Variants in ABCC4 observed in about 807,000 individuals in gnomAD.
ABCC4 encodes the protein ATP binding cassette subfamily C member 4 (PEL blood group), also known as ATP-binding cassette sub-family C member 4.
In ABCC4, 102 loss-of-function variants were observed where a neutral mutation model predicts 168.5. That is an observed-to-expected ratio of 0.61 (90% confidence interval 0.52 to 0.71). ABCC4 has a LOEUF of 0.71. ABCC4 is among the 30% of genes least tolerant of loss of function. The pLI, the probability that ABCC4 is intolerant of heterozygous loss-of-function variation, is 0.00. For missense variants in ABCC4, 1,402 were observed against 1,605.8 expected, an observed-to-expected ratio of 0.87 and a Z score of 2.17; for synonymous variants, 617 against 590.7, an observed-to-expected ratio of 1.04 and a Z score of -0.65.
At chr13:95,283,206 A>G (rs896763599) in intron 1 of ABCC4, among the ~76,000 whole-genome samples, 3 of 145,608 alleles carry the variant, frequency 2.1e-5, no homozygotes, top group African/African-American at 7.7e-5. Context: ...ACAGAGCAAG[A>G]CTCCAACTCA....
chr13:95,062,723 T>C lies in ABCC4; in HGVS notation c.3347A>G (p.Lys1116Arg), dbSNP rs2033347503. The C allele has an allele frequency of 6.2e-7, 1 of 1,613,804 alleles. No individual in the cohort carries two copies. Among genetic ancestry groups the C allele is most frequent in the African/African-American group, 1.3e-5 (1 of 74,890 alleles). ...TEIGLHDLRKKMSIIPQEPVL... is the reference protein window; with the variant it reads ...TEIGLHDLRKRMSIIPQEPVL... ...GCATACCTGAGGTATGATTGACATC[T>C]TCTTCCTTAAATCGTGAAGTCCAAT... is the stretch of plus-strand genomic sequence containing the variant. Residue 1116 changes from lysine (K) to arginine (R), a missense_variant, in exon 26 of 31, where the codon AAG becomes AGG. Coordinates refer to ENST00000645237, the MANE Select transcript of ABCC4 (RefSeq NM_005845.5).
intron 1 of ABCC4, among the ~76,000 whole-genome samples, chr13:95,289,509 G>A (rs1386540448): frequency 6.6e-6 from 1 of 152,058 alleles, no homozygotes; most frequent in Non-Finnish European, 1.5e-5. Flanking sequence ...CCTCAACAAG[G>A]GGTTACTATA....
intron 1 of ABCC4, among the ~76,000 whole-genome samples, chr13:95,277,072 C>T (rs4773866): frequency 0.092 from 13,958 of 152,074 alleles, 693 homozygotes; most frequent in South Asian, 0.14. Flanking sequence ...CCACAACTCA[C>T]TTTTTTTTCT....
chr13:95,262,442 T>A (rs1256445236), intron 1 of ABCC4, among the ~76,000 whole-genome samples: 1 of 152,184 alleles, frequency 6.6e-6, no homozygotes, highest in Non-Finnish European at 1.5e-5. Flanking sequence ...GATAGAGAAA[T>A]CAATATACAC....
intron 13 of ABCC4, among the ~76,000 whole-genome samples, chr13:95,171,435 T>C (rs2037471735): frequency 6.6e-6 from 1 of 151,580 alleles, no homozygotes; most frequent in Admixed American, 6.6e-5. Context: ...CACACACCTG[T>C]AGTCCCAGCT....
At chr13:95,191,205 AC>A (rs4148484) in intron 9 of ABCC4, among the ~76,000 whole-genome samples, 7,432 of 152,258 alleles carry the variant, frequency 0.049, 300 homozygotes, top group East Asian at 0.14. Context: ...GATCAAGATA[AC>A]CTTCAAAATG....
At chr13:95,111,217 A>G (rs1169734500) in intron 20 of ABCC4, among the ~76,000 whole-genome samples, 1 of 152,222 alleles carries the variant, frequency 6.6e-6, no homozygotes, top group African/African-American at 2.4e-5. Context: ...GAGCCATTCT[A>G]TGTTCATAAA....
In ABCC4 at chr13:95,109,475, AGATTT is replaced by A. The variant is rs1472519397; in HGVS notation, c.2535+6442_2535+6446del. Among the ~76,000 whole-genome samples the A allele has an allele frequency of 2.6e-5, 4 of 152,138 alleles. No individual in the cohort carries two copies. In the East Asian group the frequency reaches 7.7e-4, roughly 29 times the overall value. ...TCTTTCCAAAAGTTAAAGAGAGATT[AGATTT>A]AAGGACCAGAAAATTTGAATTTTGC... On this transcript the variant is annotated intron_variant, in intron 20 of 30. Transcript: ENST00000645237.
At chr13:95,117,593 T>C (rs1326251705) in intron 19 of ABCC4, among the ~76,000 whole-genome samples, 1 of 152,198 alleles carries the variant, frequency 6.6e-6, no homozygotes, top group African/African-American at 2.4e-5. Context: ...TTGTTTGTCG[T>C]CCTTCTTGTT....
intron 21 of ABCC4, among the ~76,000 whole-genome samples, chr13:95,076,507 GT>G (rs33911549): frequency 0.29 from 39,983 of 138,162 alleles, 5,651 homozygotes; most frequent in Non-Finnish European, 0.33. Context: ...TGTGGTGTAG[GT>G]TTTTTTTTTT....
rs1006804357 is a variant in ABCC4, at chr13:95,082,723, T to C, written c.2686+417A>G. 1.4e-4 allele frequency among the ~76,000 whole-genome samples: 21 copies of C among 152,214 alleles called. 1 individual carries two copies. The highest frequency in any genetic ancestry group is 7.2e-4 in the Admixed American group (11 of 15,276). Reference sequence around the variant, plus strand: ...TCATTTCCTTGTCATTTTTAGTATCTTCGGGGAAAGATACTAAAATACCCT... The same window carrying C: ...TCATTTCCTTGTCATTTTTAGTATCCTCGGGGAAAGATACTAAAATACCCT... On this transcript the variant is annotated intron_variant, in intron 21 of 30. Coordinates refer to ENST00000645237, the MANE Select transcript of ABCC4 (RefSeq NM_005845.5).
chr13:95,066,744 G>T (rs1323758555), intron 25 of ABCC4, among the ~76,000 whole-genome samples: 1 of 152,248 alleles, frequency 6.6e-6, no homozygotes, highest in Admixed American at 6.5e-5. Flanking sequence ...AAGTCTGCCT[G>T]CCTCTTGCCC....
intron 3 of ABCC4, among the ~76,000 whole-genome samples, chr13:95,240,036 T>C (rs2039886035): frequency 6.6e-6 from 1 of 152,010 alleles, no homozygotes; most frequent in African/African-American, 2.4e-5. Context: ...ACCTACAAAG[T>C]ACTCTTGCCA....
At chr13:95,123,704 T>C (rs542144407) in intron 19 of ABCC4, among the ~76,000 whole-genome samples, 17 of 152,264 alleles carry the variant, frequency 1.1e-4, no homozygotes, top group African/African-American at 3.6e-4. Flanking sequence ...GGTTAATAGA[T>C]ACATGTAAGT....
intron 1 of ABCC4, among the ~76,000 whole-genome samples, chr13:95,270,736 T>G (rs937156843): frequency 1.3e-5 from 2 of 152,168 alleles, no homozygotes; most frequent in African/African-American, 4.8e-5. Flanking sequence ...CAAACCACAC[T>G]GAGTAGGGAA....
At chr13:95,158,110 GA>G (rs1189349706) in intron 19 of ABCC4, among the ~76,000 whole-genome samples, 7 of 151,374 alleles carry the variant, frequency 4.6e-5, no homozygotes, top group Admixed American at 2.0e-4. Context: ...CTTCGCTGCT[GA>G]GAAGAAACAC....
Position 95,272,979 on chromosome 13 carries a change from A to C in ABCC4, c.75-25226T>G, listed in dbSNP as rs573829247. Among the ~76,000 whole-genome samples the C allele has an allele frequency of 2.2e-3, 327 of 152,078 alleles. 2 individuals carry two copies. The Middle Eastern group carries it at 0.031, about 14-fold the overall frequency. ...CACAAAATCATACACACACACACAC[A>C]CCCCCTACAGGACCCCAATGACTTT... On this transcript the variant is annotated intron_variant, in intron 1 of 30. Transcript: ENST00000645237.
intron 1 of ABCC4, among the ~76,000 whole-genome samples, chr13:95,287,228 G>A (rs1183207149): frequency 6.6e-6 from 1 of 151,876 alleles, no homozygotes; most frequent in Non-Finnish European, 1.5e-5. Flanking sequence ...AACCCAGAAG[G>A]TTGCAGTGAG....
chr13:95,163,880 A>G, intron 16 of ABCC4, among the ~76,000 whole-genome samples: 1 of 151,982 alleles, frequency 6.6e-6, no homozygotes, highest in Non-Finnish European at 1.5e-5. Flanking sequence ...CTAAAAATAC[A>G]AAAATTAGCC....
Sources: allele counts gnomAD v4.1 joint callset (sites outside exome capture counted in the v4.1 genomes callset), GRCh38; gene constraint gnomAD v4.1.1; transcripts MANE v1.5; gene names NCBI Gene and HGNC (gene_info 2026-07-23, HGNC 2026-07-21).